The following FAM53B variants were observed in gnomAD, a reference collection of about 807,000 sequenced individuals.
FAM53B encodes the protein protein FAM53B.
FAM53B carries 12 observed loss-of-function variants against 32.7 expected under a neutral mutation model. That is an observed-to-expected ratio of 0.37 (90% CI 0.24 to 0.59). FAM53B has a LOEUF of 0.59. FAM53B is among the 20% of genes least tolerant of loss of function. The probability of loss-of-function intolerance (pLI) is 0.72; values close to 1 mark genes in which losing one functional copy is unlikely to be tolerated. For missense variants in FAM53B, 477 were observed against 577.7 expected, an observed-to-expected ratio of 0.83 and a Z score of 1.79; for synonymous variants, 234 against 228.7, an observed-to-expected ratio of 1.02 and a Z score of -0.21.
chr10:124,741,092 T>G (rs1000147265), intron 1 of FAM53B, among the ~76,000 whole-genome samples: 1 of 152,222 alleles, frequency 6.6e-6, no homozygotes, highest in Admixed American at 6.5e-5. Context: ...TCTATTAGTC[T>G]TCCCCTTGCT....
intron 1 of FAM53B, among the ~76,000 whole-genome samples, chr10:124,721,750 C>T (rs1488913141): frequency 6.6e-6 from 1 of 152,224 alleles, no homozygotes; most frequent in Non-Finnish European, 1.5e-5. Flanking sequence ...GCGGTTCTAT[C>T]CTCCTTACTC....
chr10:124,657,970 G>A (rs1295162457), intron 4 of FAM53B, among the ~76,000 whole-genome samples: 2 of 152,094 alleles, frequency 1.3e-5, no homozygotes, highest in Non-Finnish European at 2.9e-5. Context: ...GCTTTTCTAC[G>A]CGGCCACTGA....
intron 4 of FAM53B, among the ~76,000 whole-genome samples, chr10:124,631,874 C>T (rs1949393292): frequency 6.6e-6 from 1 of 152,212 alleles, no homozygotes; most frequent in Non-Finnish European, 1.5e-5. Flanking sequence ...CAGGCCCAAG[C>T]TCCTGTGTGT....
intron 4 of FAM53B, among the ~76,000 whole-genome samples, chr10:124,645,175 T>A (rs1457656287): frequency 1.3e-5 from 2 of 152,204 alleles, no homozygotes; most frequent in Non-Finnish European, 2.9e-5. Flanking sequence ...ACTCGGGCCC[T>A]CCCTGGAGGC....
rs1162753365 is a variant in FAM53B at position 124,733,380 on chromosome 10, C to T, written c.-175+10633G>A. Among the ~76,000 whole-genome samples the T allele has an allele frequency of 6.6e-6, 1 of 152,212 alleles. No homozygotes were observed. The highest frequency in any genetic ancestry group is 1.5e-5 in the Non-Finnish European group (1 of 68,036). ...GCCGCCAAGAGTCAGGTGACTCAGG[C>T]CCGCCATTCTCGAGTGTCTGTGTCA... On this transcript the variant is annotated intron_variant, in intron 1 of 4. Coordinates refer to ENST00000337318, the MANE Select transcript of FAM53B (RefSeq NM_014661.4). The surrounding 1 kb of genome is among the most constrained non-coding windows in gnomAD (Gnocchi z 4.3).
chr10:124,714,256 T>A lies in FAM53B; in HGVS notation c.-174-7369A>T, dbSNP rs375453911. The A allele has an allele frequency of 9.9e-5, 15 of 152,184 alleles. No homozygotes were observed. The East Asian group carries it at 2.5e-3, about 25-fold the overall frequency. 9.4% of individuals were successfully genotyped at this position (152,184 alleles called of 1,614,324 possible). A position where few individuals can be genotyped will look rare whatever the true frequency, so the allele number is the denominator to read the frequency against. Reference sequence around the variant, plus strand: ...AGTTGAAAGCTGCCTAAGAACTTTATCCAGGGCCTCTACTTTCCCAGACCA... The same window carrying A: ...AGTTGAAAGCTGCCTAAGAACTTTAACCAGGGCCTCTACTTTCCCAGACCA... On this transcript the variant is annotated intron_variant, in intron 1 of 4. Transcript: ENST00000337318.
intron 4 of FAM53B, among the ~76,000 whole-genome samples, chr10:124,648,390 C>T (rs1949533779): frequency 1.3e-5 from 2 of 152,242 alleles, no homozygotes; most frequent in African/African-American, 2.4e-5. Flanking sequence ...GTCTGGGAAG[C>T]TGGGGTAGGA....
At chr10:124,722,396 G>A (rs1439795180) in intron 1 of FAM53B, among the ~76,000 whole-genome samples, 1 of 152,172 alleles carries the variant, frequency 6.6e-6, no homozygotes, top group African/African-American at 2.4e-5. Flanking sequence ...CCATCTTCAG[G>A]TATAGTGCTA....
chr10:124,709,239 AGGC>A (rs781691282), intron 1 of FAM53B, among the ~76,000 whole-genome samples: 40 of 152,362 alleles, frequency 2.6e-4, no homozygotes, highest in Non-Finnish European at 4.6e-4. Flanking sequence ...GTGAAGTAGG[AGGC>A]GGCCAGTAGA....
intron 1 of FAM53B, among the ~76,000 whole-genome samples, chr10:124,729,842 G>A (rs1415978984): frequency 6.6e-6 from 1 of 151,630 alleles, no homozygotes; most frequent in Admixed American, 6.6e-5. Context: ...TTATGCCTGG[G>A]TCTGATGAAC....
At chr10:124,736,472 C>G (rs944397208) in intron 1 of FAM53B, among the ~76,000 whole-genome samples, 1 of 152,270 alleles carries the variant, frequency 6.6e-6, no homozygotes, top group Non-Finnish European at 1.5e-5. Flanking sequence ...TGGAGACACC[C>G]AGCTGCAGAG....
At chr10:124,638,604 C>G (rs1479239827) in intron 4 of FAM53B, among the ~76,000 whole-genome samples, 1 of 152,202 alleles carries the variant, frequency 6.6e-6, no homozygotes, top group African/African-American at 2.4e-5. Context: ...TGCCCACGAG[C>G]AGCCCCAGGC....
chr10:124,710,393 G>A (rs1369023960), intron 1 of FAM53B, among the ~76,000 whole-genome samples: 4 of 152,214 alleles, frequency 2.6e-5, no homozygotes, highest in African/African-American at 9.6e-5. Flanking sequence ...GAAATGATCT[G>A]GGCACGTTCT....
intron 4 of FAM53B, among the ~76,000 whole-genome samples, chr10:124,637,974 G>A (rs1949444580): frequency 6.6e-6 from 1 of 152,224 alleles, no homozygotes; most frequent in Non-Finnish European, 1.5e-5. Context: ...CCCTGTCTGA[G>A]TGCCTCTGTG....
intron 3 of FAM53B, among the ~76,000 whole-genome samples, chr10:124,689,059 CT>C (rs1949818098): frequency 6.6e-6 from 1 of 152,190 alleles, no homozygotes; most frequent in South Asian, 2.1e-4. Context: ...CTGACTCATT[CT>C]TACATTTCAC....
Position 124,682,385 on chromosome 10 carries a change from T to C in FAM53B, c.134-6A>G. The C allele has an allele frequency of 6.3e-7, 1 of 1,589,556 alleles. No individual in the cohort carries two copies. The highest frequency in any genetic ancestry group is 1.1e-5 in the South Asian group (1 of 90,340). ...GTCTCGCCATCTGTCATTTTCTGGT[T>C]CATAAATGACAAGGAGAAAACAGGA... On this transcript the variant is annotated splice_polypyrimidine_tract_variant and splice_region_variant and intron_variant, in intron 3 of 4. Coordinates refer to ENST00000337318, the MANE Select transcript of FAM53B (RefSeq NM_014661.4). The surrounding 1 kb of genome is among the most constrained non-coding windows in gnomAD (Gnocchi z 5.2).
At chr10:124,735,568 C>T (rs4962691) in intron 1 of FAM53B, among the ~76,000 whole-genome samples, 71,140 of 152,184 alleles carry the variant, frequency 0.47, 19,803 homozygotes, top group South Asian at 0.65. Flanking sequence ...CCAAGCCCAA[C>T]TCCAGTTGAA....
At position 124,633,579 on chromosome 10, in the gene FAM53B, C is replaced by G. The variant is rs539954121; in HGVS notation, c.907-9975G>C. Among the ~76,000 whole-genome samples, 114 of 152,272 alleles carry G rather than the reference C, an allele frequency of 7.5e-4. 2 individuals are homozygous for G. In the South Asian group the frequency reaches 0.023, roughly 31 times the overall value. Reference sequence around the variant, plus strand: ...CATTACTAAGCCTCCATAACTAAAACAGCATATTAGTATGAACGTACATGC... The same window carrying G: ...CATTACTAAGCCTCCATAACTAAAAGAGCATATTAGTATGAACGTACATGC... On this transcript the variant is annotated intron_variant, in intron 4 of 4. Coordinates refer to ENST00000337318, the MANE Select transcript of FAM53B (RefSeq NM_014661.4).
At chr10:124,646,792 C>T (rs182511754) in intron 4 of FAM53B, among the ~76,000 whole-genome samples, 2 of 152,354 alleles carry the variant, frequency 1.3e-5, no homozygotes, top group Admixed American at 6.5e-5. Context: ...AGGCTGGAAG[C>T]AGCCATGATG....
Sources: allele counts gnomAD v4.1 joint callset (sites outside exome capture counted in the v4.1 genomes callset), GRCh38; gene constraint gnomAD v4.1.1; non-coding constraint Gnocchi (gnomAD v3.1); transcripts MANE v1.5; gene names NCBI Gene and HGNC (gene_info 2026-07-23, HGNC 2026-07-21).